DMRT1: variants seen among roughly 807,000 people sequenced by gnomAD.
DMRT1 encodes doublesex and mab-3 related transcription factor 1.
DMRT1 carries 7 observed loss-of-function variants against 32.3 expected under a neutral mutation model. That is an observed-to-expected ratio of 0.22 (90% CI 0.12 to 0.41). DMRT1 has a LOEUF of 0.41. DMRT1 is among the 10% of genes least tolerant of loss of function. DMRT1 has a pLI of 1.00. For missense variants in DMRT1, 625 were observed against 500.5 expected (o/e 1.25, Z -2.37); for synonymous variants, 278 against 206.1 (o/e 1.35, Z -2.99).
intron 2 of DMRT1, among the ~76,000 whole-genome samples, chr9:848,326 A>T (rs965015207): frequency 6.6e-6 from 1 of 152,286 alleles, no homozygotes; most frequent in African/African-American, 2.4e-5. Flanking sequence ...TAAAGATCTT[A>T]TGAATCTTGG....
intron 3 of DMRT1, among the ~76,000 whole-genome samples, chr9:909,420 A>G (rs1817893578): frequency 6.6e-6 from 1 of 152,210 alleles, no homozygotes. Context: ...GCGTAGGTGA[A>G]GTCTGTAGGC....
At chr9:863,318 T>TC (rs1815810193) in intron 2 of DMRT1, among the ~76,000 whole-genome samples, 1 of 85,576 alleles carries the variant, frequency 1.2e-5, no homozygotes, top group African/African-American at 4.5e-5. Flanking sequence ...GCCACGTCTC[T>TC]TAAAAAAAAA....
intron 4 of DMRT1, among the ~76,000 whole-genome samples, chr9:930,695 A>G (rs1253981640): frequency 6.6e-6 from 1 of 152,098 alleles, no homozygotes; most frequent in African/African-American, 2.4e-5. Flanking sequence ...GACATGAGCC[A>G]CCGCACCCGG....
chr9:880,237 G>T (rs573086393), intron 2 of DMRT1, among the ~76,000 whole-genome samples: 1 of 152,160 alleles, frequency 6.6e-6, no homozygotes, highest in African/African-American at 2.4e-5. Flanking sequence ...CCTTTGGTGT[G>T]CAGAAAGGCT....
chr9:905,802 G>A (rs1004165493), intron 3 of DMRT1, among the ~76,000 whole-genome samples: 1 of 152,098 alleles, frequency 6.6e-6, no homozygotes, highest in Non-Finnish European at 1.5e-5. Context: ...TTTTGTGGAT[G>A]AGGAAACTGG....
chr9:943,077 A>G (rs915746509), intron 4 of DMRT1, among the ~76,000 whole-genome samples: 3 of 152,152 alleles, frequency 2.0e-5, no homozygotes, highest in African/African-American at 7.2e-5. Context: ...ACCGAAGACA[A>G]TAAGGATTTG....
At chr9:857,401 T>C (rs1008770700) in intron 2 of DMRT1, among the ~76,000 whole-genome samples, 114 of 152,272 alleles carry the variant, frequency 7.5e-4, no homozygotes, top group African/African-American at 2.6e-3. Flanking sequence ...ACAGAGTTTA[T>C]ATTGAAAGGA....
At chr9:845,875 G>A (rs1289798805) in intron 1 of DMRT1, among the ~76,000 whole-genome samples, 1 of 152,092 alleles carries the variant, frequency 6.6e-6, no homozygotes, top group East Asian at 1.9e-4. Flanking sequence ...TCAAGGCTCT[G>A]TCCAAATACT....
intron 2 of DMRT1, among the ~76,000 whole-genome samples, chr9:854,858 T>C (rs10125224): frequency 0.038 from 2,726 of 71,976 alleles, 189 homozygotes; most frequent in African/African-American, 0.13. Context: ...CTCCGCCTCC[T>C]GGGTTCACGC....
intron 2 of DMRT1, among the ~76,000 whole-genome samples, chr9:869,983 C>G (rs954619808): frequency 5.3e-5 from 8 of 152,134 alleles, no homozygotes; most frequent in African/African-American, 1.9e-4. Flanking sequence ...AAATACGGCC[C>G]TGGAGATAAA....
intron 3 of DMRT1, among the ~76,000 whole-genome samples, chr9:902,557 C>T (rs1426039669): frequency 3.3e-5 from 5 of 151,002 alleles, no homozygotes; most frequent in East Asian, 3.9e-4. Context: ...TGCAGTTTCT[C>T]GGCTCACTGC....
At chr9:923,568 A>T (rs1818423254) in intron 4 of DMRT1, among the ~76,000 whole-genome samples, 1 of 151,918 alleles carries the variant, frequency 6.6e-6, no homozygotes, top group South Asian at 2.1e-4. Flanking sequence ...ACTTTCCCCC[A>T]TTTTTTCCTG....
At chr9:877,944 A>G (rs1816571826) in intron 2 of DMRT1, among the ~76,000 whole-genome samples, 1 of 152,222 alleles carries the variant, frequency 6.6e-6, no homozygotes, top group Non-Finnish European at 1.5e-5. Context: ...GGAATATACC[A>G]TTAAAGTACT....
chr9:968,193 T>C lies in DMRT1; in HGVS notation c.*54T>C, dbSNP rs890246465. Reference sequence around the variant, plus strand: ...TTGGAGTAACAGGCTTATTCCACTTTCCATGGGGTTTGTTAATATTTTGCA... The same window carrying C: ...TTGGAGTAACAGGCTTATTCCACTTCCCATGGGGTTTGTTAATATTTTGCA... On this transcript the variant is annotated 3_prime_UTR_variant, in exon 5 of 5. Transcript: ENST00000382276. 2 of 1,603,258 alleles carry C rather than the reference T, an allele frequency of 1.2e-6. No homozygotes were observed. The highest frequency in any genetic ancestry group is 2.7e-5 in the African/African-American group (2 of 74,718).
intron 4 of DMRT1, among the ~76,000 whole-genome samples, chr9:939,469 C>T (rs1402088272): frequency 6.6e-6 from 1 of 152,130 alleles, no homozygotes; most frequent in Non-Finnish European, 1.5e-5. Context: ...TTTACCGTGG[C>T]CAGTCTTGTT....
chr9:940,044 C>CA (rs1165757036), intron 4 of DMRT1, among the ~76,000 whole-genome samples: 2 of 151,854 alleles, frequency 1.3e-5, no homozygotes, highest in African/African-American at 2.4e-5. Flanking sequence ...AGGCTATTAT[C>CA]AAAAAAACGG....
chr9:960,062 G>T (rs1399538096), intron 4 of DMRT1, among the ~76,000 whole-genome samples: 1 of 152,184 alleles, frequency 6.6e-6, no homozygotes, highest in Non-Finnish European at 1.5e-5. Flanking sequence ...TGTGGACTTT[G>T]TGTCTTTGCC....
At chr9:874,300 T>C (rs12378663) in intron 2 of DMRT1, among the ~76,000 whole-genome samples, 45,142 of 152,122 alleles carry the variant, frequency 0.3, 8,263 homozygotes, top group Non-Finnish European at 0.4. Flanking sequence ...ATCATTTGAA[T>C]AGTTCTCAGA....
chr9:856,065 C>T (rs1243931428), intron 2 of DMRT1, among the ~76,000 whole-genome samples: 5 of 152,074 alleles, frequency 3.3e-5, no homozygotes, highest in East Asian at 3.9e-4. Flanking sequence ...TACAGGCGCC[C>T]GCCACCATGC....
Sources: gnomAD v4.1 joint callset for allele counts (sites outside exome capture counted in the v4.1 genomes callset) on GRCh38, gnomAD v4.1.1 for gene constraint, MANE v1.5 for transcripts, NCBI Gene and HGNC (gene_info 2026-07-23, HGNC 2026-07-21) for gene names.